Variants in MAPKAP1 observed in about 807,000 individuals in gnomAD.
MAPKAP1 encodes the protein MAPK associated protein 1.
A neutral mutation model predicts 65.7 loss-of-function variants in MAPKAP1; 20 were observed. The observed-to-expected ratio is 0.30, with a 90% CI of 0.21 to 0.44. MAPKAP1 has a LOEUF of 0.44. Among genes scored for constraint, MAPKAP1 ranks in the 20% least tolerant of loss-of-function variants. The pLI, the probability that MAPKAP1 is intolerant of heterozygous loss-of-function variation, is 1.00. For synonymous variants in MAPKAP1, 222 were observed against 244.3 expected, an observed-to-expected ratio of 0.91 and a Z score of 0.85; for missense variants, 423 against 648.0, an observed-to-expected ratio of 0.65 and a Z score of 3.77.
chr9:125,600,800 G>A (rs542016167), intron 4 of MAPKAP1, among the ~76,000 whole-genome samples: 5 of 152,174 alleles, frequency 3.3e-5, no homozygotes, highest in African/African-American at 1.2e-4. Flanking sequence ...TGTCCACTTC[G>A]AATTTTCAAA....
chr9:125,597,550 T>C (rs987558369), intron 4 of MAPKAP1, among the ~76,000 whole-genome samples: 2 of 152,212 alleles, frequency 1.3e-5, no homozygotes, highest in Non-Finnish European at 2.9e-5. Flanking sequence ...TTCCCAGTAA[T>C]AAATTGAGTA....
intron 1 of MAPKAP1, among the ~76,000 whole-genome samples, chr9:125,676,273 T>G (rs1167224643): frequency 6.6e-6 from 1 of 152,228 alleles, no homozygotes; most frequent in Non-Finnish European, 1.5e-5. Flanking sequence ...GAGATAATTG[T>G]GTAAAATATT....
chr9:125,546,305 G>T (rs745581314), intron 6 of MAPKAP1, among the ~76,000 whole-genome samples: 33 of 152,192 alleles, frequency 2.2e-4, no homozygotes, highest in Non-Finnish European at 3.2e-4. Flanking sequence ...CCTAATAAGA[G>T]TTTCCTCAGG....
chr9:125,630,128 C>G (rs1004658803), intron 4 of MAPKAP1, among the ~76,000 whole-genome samples: 2 of 151,994 alleles, frequency 1.3e-5, no homozygotes, highest in Non-Finnish European at 2.9e-5. Context: ...CTAGTAATCT[C>G]TGAGACAGTC....
At chr9:125,506,891 T>C (rs1400419843) in intron 7 of MAPKAP1, among the ~76,000 whole-genome samples, 3 of 152,204 alleles carry the variant, frequency 2.0e-5, no homozygotes, top group African/African-American at 7.2e-5. Context: ...AGGAATAAGA[T>C]ATGTGTAGAA....
intron 1 of MAPKAP1, among the ~76,000 whole-genome samples, chr9:125,676,937 C>G (rs1182454184): frequency 6.6e-6 from 1 of 152,130 alleles, no homozygotes; most frequent in Non-Finnish European, 1.5e-5. Context: ...TTATGACTCT[C>G]CAAGAGGGAG....
chr9:125,498,900 T>C (rs1364849683), intron 8 of MAPKAP1, among the ~76,000 whole-genome samples: 1 of 152,222 alleles, frequency 6.6e-6, no homozygotes, highest in East Asian at 1.9e-4. Context: ...GCCAGGTCTA[T>C]GACTCCAAAC....
At chr9:125,609,590 C>A (rs1832541700) in intron 4 of MAPKAP1, among the ~76,000 whole-genome samples, 1 of 152,128 alleles carries the variant, frequency 6.6e-6, no homozygotes. Context: ...CAAGTGATCC[C>A]CTTGCCTCTG....
intron 7 of MAPKAP1, among the ~76,000 whole-genome samples, chr9:125,538,429 T>G (rs1830133941): frequency 6.6e-6 from 1 of 152,140 alleles, no homozygotes; most frequent in South Asian, 2.1e-4. Context: ...AATTCAAGAC[T>G]GACAGCTGGA....
At chr9:125,639,646 G>C (rs1043675292) in intron 4 of MAPKAP1, among the ~76,000 whole-genome samples, 2 of 152,188 alleles carry the variant, frequency 1.3e-5, no homozygotes, top group African/African-American at 4.8e-5. Context: ...AGAGACGATT[G>C]TTGTGGAAGT....
At chr9:125,596,337 TGTG>T in intron 4 of MAPKAP1, 1 of 764,512 alleles carries the variant, frequency 1.3e-6, no homozygotes, top group South Asian at 1.3e-5. Flanking sequence ...CTTCAGTGGT[TGTG>T]GTGCCTTTGG....
intron 4 of MAPKAP1, among the ~76,000 whole-genome samples, chr9:125,645,811 T>C (rs538719870): frequency 8.6e-5 from 13 of 151,748 alleles, no homozygotes; most frequent in Non-Finnish European, 1.8e-4. Flanking sequence ...AATCAACTCA[T>C]GTGAGACAAT....
At chr9:125,553,348 C>G (rs1443632496) in intron 6 of MAPKAP1, among the ~76,000 whole-genome samples, 1 of 152,284 alleles carries the variant, frequency 6.6e-6, no homozygotes, top group African/African-American at 2.4e-5. Flanking sequence ...TCGAGACCAG[C>G]CTGGCCAACA....
intron 8 of MAPKAP1, among the ~76,000 whole-genome samples, chr9:125,486,800 C>T (rs981286960): frequency 1.3e-5 from 2 of 152,120 alleles, no homozygotes; most frequent in African/African-American, 4.8e-5. Context: ...ACCCTTCTCC[C>T]CATCTCATTC....
At chr9:125,596,523 T>C (rs1449171895) in intron 4 of MAPKAP1, 5 of 723,308 alleles carry the variant, frequency 6.9e-6, no homozygotes, top group Non-Finnish European at 1.3e-5. Flanking sequence ...GCAGAAGCTC[T>C]GGCAGCTATG....
rs1354968673 is a variant in MAPKAP1 at position 125,595,727 on chromosome 9, T to C, written c.499-10000A>G. On this transcript the variant is annotated intron_variant, in intron 4 of 11. Transcript: ENST00000265960. This position sits in a 1 kb window ranked among gnomAD's most constrained non-coding sequence, Gnocchi z 4.0. The stretch of plus-strand genomic sequence containing the variant: ...GCTAAGGAATCTCTTCATTGGAGGG[T>C]TGAGCTTTGAAACAACCAATGAGAG... 3.6e-5 allele frequency: 55 copies of C among 1,535,010 alleles called. No individual in the cohort carries two copies. The highest frequency in any genetic ancestry group is 9.5e-5 in the African/African-American group (7 of 73,444).
chr9:125,494,028 C>A (rs1425768127), intron 8 of MAPKAP1, among the ~76,000 whole-genome samples: 2 of 152,156 alleles, frequency 1.3e-5, no homozygotes, highest in East Asian at 3.8e-4. Context: ...CACAGTCACG[C>A]CTGGCCATGC....
intron 7 of MAPKAP1, among the ~76,000 whole-genome samples, chr9:125,527,427 T>C (rs1829805316): frequency 6.6e-6 from 1 of 152,192 alleles, no homozygotes; most frequent in African/African-American, 2.4e-5. Flanking sequence ...AAAGAGTAAT[T>C]CCCTGTCCCA....
intron 7 of MAPKAP1, among the ~76,000 whole-genome samples, chr9:125,518,149 T>G (rs922463346): frequency 6.6e-6 from 1 of 152,218 alleles, no homozygotes; most frequent in South Asian, 2.1e-4. Context: ...TACAATGATG[T>G]ATGTTCAAAG....
Sources: gnomAD v4.1 joint callset for allele counts (sites outside exome capture counted in the v4.1 genomes callset) on GRCh38, gnomAD v4.1.1 for gene constraint, Gnocchi (gnomAD v3.1) non-coding constraint, MANE v1.5 for transcripts, NCBI Gene and HGNC (gene_info 2026-07-23, HGNC 2026-07-21) for gene names.